The following NAP1L4 variants were observed in gnomAD, a reference collection of about 807,000 sequenced individuals.
NAP1L4 encodes nucleosome assembly protein 1 like 4.
A neutral mutation model predicts 58.2 loss-of-function variants in NAP1L4; 15 were observed. The ratio of observed to expected loss-of-function variants is 0.26; its 90% CI spans 0.17 to 0.40. The LOEUF (loss-of-function observed/expected upper bound fraction) is 0.40, where lower values mean the gene tolerates loss of function less well. Among genes scored for constraint, NAP1L4 ranks in the 10% least tolerant of loss-of-function variants. The probability of loss-of-function intolerance (pLI) is 1.00; values close to 1 mark genes in which losing one functional copy is unlikely to be tolerated. For synonymous variants in NAP1L4, 171 were observed against 155.6 expected, an observed-to-expected ratio of 1.10 and a Z score of -0.74; for missense variants, 384 against 451.1, an observed-to-expected ratio of 0.85 and a Z score of 1.35.
rs1297257525 is a variant in NAP1L4 at position 2,971,116 on chromosome 11, C to T, written c.402+332G>A. On this transcript the variant is annotated intron_variant, in intron 6 of 15. Coordinates refer to ENST00000380542, the MANE Select transcript of NAP1L4 (RefSeq NM_005969.4). The surrounding 1 kb of genome is among the most constrained non-coding windows in gnomAD (Gnocchi z 4.2). ...GAGCAGGAAGGCACTCCCCTCACAA[C>T]TCCCCCAATCTTCCAGTGACTGAGA... is the stretch of plus-strand genomic sequence containing the variant. 1.3e-5 allele frequency among the ~76,000 whole-genome samples: 2 copies of T among 152,222 alleles called. No homozygotes were observed. Among genetic ancestry groups the T allele is most frequent in the Non-Finnish European group, 2.9e-5 (2 of 68,034 alleles).
intron 15 of NAP1L4, among the ~76,000 whole-genome samples, chr11:2,947,126 A>G (rs1845978965): frequency 6.6e-6 from 1 of 152,232 alleles, no homozygotes; most frequent in Non-Finnish European, 1.5e-5. Context: ...CCACAGATTG[A>G]GCATCCCAAA....
chr11:2,983,159 C>A (rs750064572), intron 1 of NAP1L4, among the ~76,000 whole-genome samples: 3 of 152,176 alleles, frequency 2.0e-5, no homozygotes, highest in Non-Finnish European at 4.4e-5. Context: ...TGACAATACT[C>A]CCTTTTGATG....
At chr11:2,976,166 A>G in intron 3 of NAP1L4, 43 bp from the exon 4 acceptor site, 3 of 1,492,628 alleles carry the variant, frequency 2.0e-6, no homozygotes, top group South Asian at 2.3e-5. Context: ...TATGCCCACC[A>G]CACACAATAG....
chr11:2,978,080 T>C (rs1264780655), intron 3 of NAP1L4, among the ~76,000 whole-genome samples: 1 of 152,240 alleles, frequency 6.6e-6, no homozygotes, highest in Non-Finnish European at 1.5e-5. Context: ...TAGACTGTAC[T>C]ATTACTCTCT....
chr11:2,969,690 C>T, intron 7 of NAP1L4, 113 bp downstream of exon 7: 1 of 1,227,224 alleles, frequency 8.1e-7, no homozygotes, highest in Non-Finnish European at 1.1e-6. Flanking sequence ...AAGTGCCCTT[C>T]CGCCCACTAT....
chr11:2,967,090 C>A (rs1486797958), intron 7 of NAP1L4, among the ~76,000 whole-genome samples: 1 of 152,156 alleles, frequency 6.6e-6, no homozygotes, highest in East Asian at 1.9e-4. Flanking sequence ...CAGAGTTAAT[C>A]CGCCTTTGGA....
intron 1 of NAP1L4, among the ~76,000 whole-genome samples, chr11:2,986,810 T>A (rs1848663308): frequency 6.6e-6 from 1 of 150,968 alleles, no homozygotes; most frequent in Non-Finnish European, 1.5e-5. Context: ...GTATTTTTAG[T>A]AGAGACAGGG....
chr11:2,945,046 TA>T lies in NAP1L4; in HGVS notation c.*632del, dbSNP rs75045553. On this transcript the variant is annotated 3_prime_UTR_variant, in exon 16 of 16. Coordinates refer to ENST00000380542, the MANE Select transcript of NAP1L4 (RefSeq NM_005969.4). ...GTGTGTCACAACCCTGACCCACCCC[TA>T]AAAAAAAAAAAAAATCAAGAAGCAA... 786 of 129,730 alleles carry T rather than the reference TA, an allele frequency of 6.1e-3. No homozygotes were observed. Among genetic ancestry groups the T allele is most frequent in the East Asian group, 5.2e-3 (24 of 4,572 alleles). 8.0% of individuals were successfully genotyped at this position (129,730 alleles called of 1,614,324 possible). A position where few individuals can be genotyped will look rare whatever the true frequency, so the allele number is the denominator to read the frequency against.
intron 1 of NAP1L4, 46 bp from the exon 2 acceptor site, chr11:2,979,283 T>C (rs1848160313): frequency 3.3e-6 from 5 of 1,511,442 alleles, no homozygotes; most frequent in Non-Finnish European, 4.6e-6. Flanking sequence ...TAAGCAAAAA[T>C]GTTTGTTCAA....
intron 8 of NAP1L4, 159 bp from the exon 9 acceptor site, chr11:2,960,068 G>A: frequency 1.4e-6 from 1 of 729,020 alleles, no homozygotes; most frequent in Non-Finnish European, 2.2e-6. Context: ...AGACTAGCGT[G>A]AGGTTAAAAA....
chr11:2,954,768 G>T lies in NAP1L4; in HGVS notation c.916-122C>A. On this transcript the variant is annotated intron_variant, in intron 11 of 15. Coordinates refer to ENST00000380542, the MANE Select transcript of NAP1L4 (RefSeq NM_005969.4). This position sits in a 1 kb window ranked among gnomAD's most constrained non-coding sequence, Gnocchi z 4.8. ...ACTTAACTTAAAACACCAAACTCCT[G>T]CACTGCTGGGGGACAGCCACTAGAC... 1.6e-6 allele frequency: 2 copies of T among 1,268,074 alleles called. No individual in the cohort carries two copies. Among genetic ancestry groups the T allele is most frequent in the Non-Finnish European group, 1.1e-6 (1 of 884,632 alleles). The allele number at this position is 1,268,074 out of a possible 1,614,324, so 78.6% of individuals were successfully genotyped here. A position where few individuals can be genotyped will look rare whatever the true frequency, so the allele number is the denominator to read the frequency against.
At chr11:2,984,574 AAAAC>A (rs1045263884) in intron 1 of NAP1L4, among the ~76,000 whole-genome samples, 8 of 152,200 alleles carry the variant, frequency 5.3e-5, no homozygotes, top group East Asian at 1.9e-4. Flanking sequence ...TCTGTCTCAA[AAAAC>A]AAACAAACAA....
chr11:2,964,257 GA>G (rs1355985442), intron 8 of NAP1L4, among the ~76,000 whole-genome samples: 2 of 152,106 alleles, frequency 1.3e-5, no homozygotes, highest in Non-Finnish European at 2.9e-5. Flanking sequence ...AGACACTTGG[GA>G]AAAGAATGGT....
rs1846398947 is a variant in NAP1L4 at position 2,954,286 on chromosome 11, G to C, written c.1035+241C>G. ...GAGTCACTAGGCAGGGCTCACATAG[G>C]AAACTGGCAATCACCTCTGAAACTG... On this transcript the variant is annotated intron_variant, in intron 12 of 15. Coordinates refer to ENST00000380542, the MANE Select transcript of NAP1L4 (RefSeq NM_005969.4). This position sits in a 1 kb window ranked among gnomAD's most constrained non-coding sequence, Gnocchi z 4.8. 8.4e-6 allele frequency: 5 copies of C among 595,940 alleles called. No homozygotes were observed. The highest frequency in any genetic ancestry group is 2.9e-5 in the Admixed American group (1 of 34,686). 36.9% of individuals were successfully genotyped at this position (595,940 alleles called of 1,614,324 possible).
rs1847640972 is a variant in NAP1L4 at position 2,971,628 on chromosome 11, G to T, written c.316-94C>A. 1 of 932,876 alleles carries T rather than the reference G, an allele frequency of 1.1e-6. No homozygotes were observed. The highest frequency in any genetic ancestry group is 1.7e-5 in the African/African-American group (1 of 59,414). 57.8% of individuals were successfully genotyped at this position (932,876 alleles called of 1,614,324 possible). ...TAAATAATGTCTACTAAAAGACTTT[G>T]AAAACTGGATATTTTTATAACTTAT... On this transcript the variant is annotated intron_variant, in intron 5 of 15. Coordinates refer to ENST00000380542, the MANE Select transcript of NAP1L4 (RefSeq NM_005969.4). The surrounding 1 kb of genome is among the most constrained non-coding windows in gnomAD (Gnocchi z 4.2).
At chr11:2,968,418 G>GTCT (rs147076988) in intron 7 of NAP1L4, among the ~76,000 whole-genome samples, 1 of 152,112 alleles carries the variant, frequency 6.6e-6, no homozygotes, top group African/African-American at 2.4e-5. Flanking sequence ...GTATGGTCTA[G>GTCT]TCTTCTTAAA....
intron 10 of NAP1L4, among the ~76,000 whole-genome samples, chr11:2,956,600 AC>A (rs1444339088): frequency 6.6e-6 from 1 of 152,128 alleles, no homozygotes; most frequent in Non-Finnish European, 1.5e-5. Context: ...GTGCGTAAAC[AC>A]CACCCATGAG....
At chr11:2,963,773 T>C in intron 8 of NAP1L4, 1 of 519,280 alleles carries the variant, frequency 1.9e-6, no homozygotes, top group Non-Finnish European at 3.8e-6. Context: ...CATGCAGCAT[T>C]TGTCTCCAAG....
Position 2,971,006 on chromosome 11 carries a change from G to A in NAP1L4, c.402+442C>T, listed in dbSNP as rs528504058. ...GTCACTAGAAAAAGGCTGTGAGCAGGTGACTGATGGCCACACCACAACCAC... is the reference window on the plus strand; with the variant it reads ...GTCACTAGAAAAAGGCTGTGAGCAGATGACTGATGGCCACACCACAACCAC... On this transcript the variant is annotated intron_variant, in intron 6 of 15. Coordinates refer to ENST00000380542, the MANE Select transcript of NAP1L4 (RefSeq NM_005969.4). The surrounding 1 kb of genome is among the most constrained non-coding windows in gnomAD (Gnocchi z 4.2). 1.3e-5 allele frequency among the ~76,000 whole-genome samples: 2 copies of A among 152,280 alleles called. No individual in the cohort carries two copies. Among genetic ancestry groups the A allele is most frequent in the African/African-American group, 2.4e-5 (1 of 41,554 alleles).
Sources: gnomAD v4.1 joint callset for allele counts (sites outside exome capture counted in the v4.1 genomes callset) on GRCh38, gnomAD v4.1.1 for gene constraint, Gnocchi (gnomAD v3.1) non-coding constraint, MANE v1.5 for transcripts, NCBI Gene and HGNC (gene_info 2026-07-23, HGNC 2026-07-21) for gene names.